The following IL2RB variants were observed in gnomAD, a reference collection of about 807,000 sequenced individuals.
IL2RB encodes the protein interleukin-2 receptor subunit beta.
A neutral mutation model predicts 44.2 loss-of-function variants in IL2RB; 17 were observed. The observed-to-expected ratio is 0.38, with a 90% CI of 0.26 to 0.58. IL2RB has a LOEUF of 0.58. Among genes scored for constraint, IL2RB ranks in the 20% least tolerant of loss-of-function variants. IL2RB has a pLI of 0.63. For synonymous variants in IL2RB, 286 were observed against 297.9 expected (o/e 0.96, Z 0.41); for missense variants, 624 against 685.5 (o/e 0.91, Z 1.00).
At chr22:37,142,166 A>G (rs1485924406) in intron 4 of IL2RB, among the ~76,000 whole-genome samples, 1 of 152,170 alleles carries the variant, frequency 6.6e-6, no homozygotes, top group Non-Finnish European at 1.5e-5. Context: ...AGGACCCACA[A>G]AGCGCAGGGG....
intron 1 of IL2RB, among the ~76,000 whole-genome samples, chr22:37,172,226 A>AAAAAC (rs1555899952): frequency 7.3e-5 from 11 of 151,456 alleles, no homozygotes; most frequent in African/African-American, 2.4e-4. Flanking sequence ...AAAAAAAAAA[A>AAAAAC]AAAAAAAAGT....
chr22:37,144,461 C>A (rs1018598376), intron 1 of IL2RB, among the ~76,000 whole-genome samples: 3 of 152,178 alleles, frequency 2.0e-5, no homozygotes, highest in Admixed American at 6.5e-5. Context: ...AAGCACCCGT[C>A]GTGGCCAGGC....
intron 3 of IL2RB, chr22:37,142,815 G>C (rs1265739803): frequency 5.8e-6 from 3 of 519,904 alleles, no homozygotes; most frequent in Non-Finnish European, 7.2e-6. Flanking sequence ...AAAGCTCCAT[G>C]AGGCTTAGGA....
chr22:37,174,783 G>A (rs779022063), intron 1 of IL2RB, among the ~76,000 whole-genome samples: 13 of 152,314 alleles, frequency 8.5e-5, no homozygotes, highest in East Asian at 1.9e-4. Flanking sequence ...GGGACCTGGC[G>A]GGTGATACCC....
At chr22:37,152,862 C>T (rs1312664336), upstream of IL2RB, among the ~76,000 whole-genome samples, 2 of 151,560 alleles carry the variant, frequency 1.3e-5, no homozygotes, top group Non-Finnish European at 2.9e-5. Context: ...AGCCCAGAAG[C>T]AGCAGCTCTG....
rs555897541 is a variant in IL2RB, at chr22:37,131,045, T to C, written c.903+1339A>G. ...AGCCAAGTGTGGTGGTGTGTGCTTG[T>C]AGTCCCAGCTACTCGGGAGACTGAG... On this transcript the variant is annotated intron_variant, in intron 9 of 9. Transcript: ENST00000216223. 6.6e-5 allele frequency among the ~76,000 whole-genome samples: 10 copies of C among 152,300 alleles called. No homozygotes were observed. The South Asian group carries it at 2.1e-3, about 32-fold the overall frequency.
rs984429782 is a variant in IL2RB, at chr22:37,141,733, C to T, written c.282+701G>A. ...ACTGACTCACTGGCCCCAGCTGCCT[C>T]GGCCCCCTCTGGACTTTAGGCACCA... is the stretch of plus-strand genomic sequence containing the variant. On this transcript the variant is annotated intron_variant, in intron 4 of 9. Transcript: ENST00000216223. This position sits in a 1 kb window ranked among gnomAD's most constrained non-coding sequence, Gnocchi z 4.4. Among the ~76,000 whole-genome samples the T allele has an allele frequency of 5.3e-5, 8 of 152,204 alleles. No homozygotes were observed. The highest frequency in any genetic ancestry group is 1.3e-4 in the Admixed American group (2 of 15,292).
In IL2RB at chr22:37,128,276, C is replaced by T. The variant is rs369066989; in HGVS notation, c.1476G>A (p.Val492=). Residue 492 remains valine, a synonymous_variant, in exon 10 of 10, where the codon GTG becomes GTA. Transcript: ENST00000216223. The surrounding 1 kb of genome is among the most constrained non-coding windows in gnomAD (Gnocchi z 4.5). ...GGACCTCCTCCCCAGCCTCTCGCAG[C>T]ACCAGCTCAGGGGGTGGCTGAAAAT... ...LVDFQPPPEL[V]LREAGEEVPD... is the part of the protein sequence containing the mutation. 9 of 1,499,512 alleles carry T rather than the reference C, an allele frequency of 6.0e-6. No individual in the cohort carries two copies. The highest frequency in any genetic ancestry group is 1.4e-5 in the African/African-American group (1 of 71,138). The allele number at this position is 1,499,512 out of a possible 1,614,324, so 92.9% of individuals were successfully genotyped here.
At chr22:37,146,152 G>T (rs1004770227) in intron 1 of IL2RB, among the ~76,000 whole-genome samples, 3 of 151,982 alleles carry the variant, frequency 2.0e-5, no homozygotes, top group African/African-American at 7.3e-5. Context: ...CAGACAGCAG[G>T]ACACTCCAGT....
chr22:37,137,827 C>T (rs751839490), intron 5 of IL2RB, 92 bp from the exon 6 acceptor site: 39 of 1,174,494 alleles, frequency 3.3e-5, no homozygotes, highest in East Asian at 1.7e-4. Flanking sequence ...CACATGCTAC[C>T]ACCTCCCCTA....
At position 37,127,313 on chromosome 22, in the gene IL2RB, C is replaced by T. The variant is rs909361792; in HGVS notation, c.*783G>A. On this transcript the variant is annotated 3_prime_UTR_variant, in exon 10 of 10. Transcript: ENST00000216223. ...GCCTCTTTCTCCAGGCGCCCTGGGT[C>T]CCTGACAGCTTCTCCCTCCAGCACT... The T allele has an allele frequency of 8.5e-5, 13 of 152,222 alleles. No individual in the cohort carries two copies. The highest frequency in any genetic ancestry group is 3.1e-4 in the African/African-American group (13 of 41,436). 9.4% of individuals were successfully genotyped at this position (152,222 alleles called of 1,614,324 possible). A position where few individuals can be genotyped will look rare whatever the true frequency, so the allele number is the denominator to read the frequency against.
chr22:37,136,467 C>G, intron 6 of IL2RB, 74 bp from the exon 7 acceptor site: 3 of 1,163,748 alleles, frequency 2.6e-6, no homozygotes, highest in Non-Finnish European at 3.4e-6. Context: ...CATCACAGAA[C>G]CCCCCCCCAA....
intron 1 of IL2RB, among the ~76,000 whole-genome samples, chr22:37,159,849 CG>C (rs1490487810): frequency 6.6e-6 from 1 of 152,226 alleles, no homozygotes; most frequent in African/African-American, 2.4e-5. Flanking sequence ...GGGGTGCTGG[CG>C]TGGGGGCCAC....
chr22:37,149,448 G>A (rs930368427), intron 1 of IL2RB, among the ~76,000 whole-genome samples: 2 of 152,144 alleles, frequency 1.3e-5, no homozygotes, highest in African/African-American at 2.4e-5. Flanking sequence ...GGGGGCTCCC[G>A]CCTGTCCCAC....
chr22:37,140,805 C>A (rs766124047), intron 4 of IL2RB, among the ~76,000 whole-genome samples: 1 of 152,152 alleles, frequency 6.6e-6, no homozygotes, highest in African/African-American at 2.4e-5. Context: ...CCTAATGCAA[C>A]GGTGAGAAGC....
chr22:37,133,731 T>C (rs1569042111), intron 8 of IL2RB, among the ~76,000 whole-genome samples: 1 of 152,132 alleles, frequency 6.6e-6, no homozygotes, highest in Non-Finnish European at 1.5e-5. Context: ...CCATGACTGC[T>C]CGGCACACGG....
In IL2RB at chr22:37,128,167, G is replaced by A; in HGVS notation, c.1585C>T (p.Leu529=). Residue 529 remains leucine (L), a synonymous_variant, in exon 10 of 10, where the codon CTG becomes TTG. Coordinates refer to ENST00000216223, the MANE Select transcript of IL2RB (RefSeq NM_000878.5). This position sits in a 1 kb window ranked among gnomAD's most constrained non-coding sequence, Gnocchi z 4.5. ...QGEFRALNAR[L]PLNTDAYLSL... ...AAGTAGGCATCAGTGTTCAGGGGCA[G>A]GCGAGCATTAAGGGCCCTGAACTCC... 2 of 1,566,924 alleles carry A rather than the reference G, an allele frequency of 1.3e-6. No homozygotes were observed. Among genetic ancestry groups the A allele is most frequent in the Non-Finnish European group, 1.7e-6 (2 of 1,161,342 alleles).
At chr22:37,135,152 C>T (rs995151722) in intron 8 of IL2RB, among the ~76,000 whole-genome samples, 176 bp downstream of exon 8, 3 of 152,084 alleles carry the variant, frequency 2.0e-5, no homozygotes, top group African/African-American at 4.8e-5. Flanking sequence ...AGACGAAGCA[C>T]GGGTGTATCA....
At chr22:37,146,722 G>A (rs2284034) in intron 1 of IL2RB, among the ~76,000 whole-genome samples, 44,194 of 152,088 alleles carry the variant, frequency 0.29, 7,007 homozygotes, top group East Asian at 0.45. Context: ...CAGCACACTC[G>A]CTCCAGGGAC....
Sources: gnomAD v4.1 joint callset for allele counts (sites outside exome capture counted in the v4.1 genomes callset) on GRCh38, gnomAD v4.1.1 for gene constraint, Gnocchi (gnomAD v3.1) non-coding constraint, MANE v1.5 for transcripts, NCBI Gene and HGNC (gene_info 2026-07-23, HGNC 2026-07-21) for gene names.